Variants in CTNNA3 observed in about 807,000 individuals in gnomAD.
CTNNA3 encodes the protein catenin alpha 3, also known as catenin alpha-3.
Under a neutral mutation model 95.7 loss-of-function variants are expected in CTNNA3, and 76 were observed. That is an observed-to-expected ratio of 0.79 (90% confidence interval 0.66 to 0.96). The LOEUF is 0.96. Among genes scored for constraint, CTNNA3 ranks in the 40% least tolerant of loss-of-function variants. The probability of loss-of-function intolerance (pLI) is 0.00; values close to 1 mark genes in which losing one functional copy is unlikely to be tolerated. For synonymous variants in CTNNA3, 431 were observed against 374.4 expected (o/e 1.15, Z -1.74); for missense variants, 1,191 against 1,089.8 (o/e 1.09, Z -1.31).
intron 12 of CTNNA3, among the ~76,000 whole-genome samples, chr10:66,317,623 A>G (rs2092120272): frequency 1.3e-5 from 2 of 151,954 alleles, no homozygotes; most frequent in Admixed American, 1.3e-4. Flanking sequence ...TAGTGAGCTG[A>G]GATCACTCCA....
intron 7 of CTNNA3, among the ~76,000 whole-genome samples, chr10:67,121,332 C>T (rs1429870301): frequency 6.6e-6 from 1 of 152,014 alleles, no homozygotes; most frequent in Non-Finnish European, 1.5e-5. Context: ...TGGACATGTA[C>T]TCACTGATAG....
At chr10:66,270,983 G>A (rs939693473) in intron 13 of CTNNA3, among the ~76,000 whole-genome samples, 2 of 152,152 alleles carry the variant, frequency 1.3e-5, no homozygotes, top group African/African-American at 4.8e-5. Flanking sequence ...CATCAACAAA[G>A]GGAAGTCTAT....
intron 13 of CTNNA3, among the ~76,000 whole-genome samples, chr10:66,123,101 C>T (rs551473778): frequency 1.2e-4 from 18 of 152,280 alleles, no homozygotes; most frequent in South Asian, 6.2e-4. Context: ...ACTCAAAAGT[C>T]CACAGTCCAA....
Position 66,163,071 on chromosome 10 carries a change from A to T in CTNNA3, c.1885-59822T>A, listed in dbSNP as rs2084934145. On this transcript the variant is annotated intron_variant, in intron 13 of 17. Coordinates refer to ENST00000433211, the MANE Select transcript of CTNNA3 (RefSeq NM_013266.4). ...CTCACTCCCATGGTACCCCTGCAACAGCCCCAAGTCTGTTTCCAGGTGAAG... is the reference window on the plus strand; with the variant it reads ...CTCACTCCCATGGTACCCCTGCAACTGCCCCAAGTCTGTTTCCAGGTGAAG... 2.0e-5 allele frequency among the ~76,000 whole-genome samples: 3 copies of T among 152,230 alleles called. No homozygotes were observed. In the South Asian group the frequency reaches 6.2e-4, roughly 32 times the overall value.
chr10:67,476,531 C>A (rs1848019545), intron 5 of CTNNA3, among the ~76,000 whole-genome samples: 1 of 150,772 alleles, frequency 6.6e-6, no homozygotes, highest in Non-Finnish European at 1.5e-5. Flanking sequence ...CAGCAAGGCC[C>A]TTTCCAATCC....
At chr10:67,660,707 G>T (rs997678170) in intron 1 of CTNNA3, among the ~76,000 whole-genome samples, 1 of 151,992 alleles carries the variant, frequency 6.6e-6, no homozygotes, top group South Asian at 2.1e-4. Context: ...CCGAGGCGGT[G>T]GATCATGAGG....
chr10:66,357,956 G>T (rs1394637138), intron 12 of CTNNA3, among the ~76,000 whole-genome samples: 3 of 152,034 alleles, frequency 2.0e-5, no homozygotes, highest in African/African-American at 7.2e-5. Context: ...ACTCCTTATT[G>T]TCTGTTCAAT....
intron 5 of CTNNA3, among the ~76,000 whole-genome samples, chr10:67,425,818 G>A (rs181304513): frequency 3.3e-5 from 5 of 152,114 alleles, no homozygotes; most frequent in East Asian, 3.9e-4. Context: ...TGTTATGACC[G>A]TTTTTGTTGC....
intron 5 of CTNNA3, among the ~76,000 whole-genome samples, chr10:67,301,926 G>A (rs1197968495): frequency 6.7e-6 from 1 of 150,246 alleles, no homozygotes; most frequent in Non-Finnish European, 1.5e-5. Context: ...CGGAGATCGC[G>A]CCACTGCACC....
At chr10:67,723,212 C>T (rs147556178) in intron 1 of CTNNA3, among the ~76,000 whole-genome samples, 4,711 of 151,884 alleles carry the variant, frequency 0.031, 237 homozygotes, top group African/African-American at 0.11. Flanking sequence ...GTCTTGAACT[C>T]CTGACCTCAG....
At chr10:66,845,989 G>T (rs1192693676) in intron 7 of CTNNA3, among the ~76,000 whole-genome samples, 1 of 151,438 alleles carries the variant, frequency 6.6e-6, no homozygotes, top group Non-Finnish European at 1.5e-5. Flanking sequence ...AAATTTAGCC[G>T]GGCATGGTGG....
chr10:66,311,098 G>T (rs754347257), intron 12 of CTNNA3, among the ~76,000 whole-genome samples: 6 of 152,120 alleles, frequency 3.9e-5, no homozygotes, highest in Non-Finnish European at 7.4e-5. Flanking sequence ...ACTAGAAAAA[G>T]GTAACTATAT....
chr10:67,366,439 G>A (rs1843221609), intron 5 of CTNNA3, among the ~76,000 whole-genome samples: 1 of 151,658 alleles, frequency 6.6e-6, no homozygotes, highest in Non-Finnish European at 1.5e-5. Context: ...TCAGGAGTTC[G>A]AGGCCAGCCT....
At position 67,134,509 on chromosome 10, in the gene CTNNA3, AAAAGCCAAGTTCTGGG is replaced by A. The variant is rs941753620; in HGVS notation, c.1047+45792_1047+45807del. 8.5e-5 allele frequency among the ~76,000 whole-genome samples: 13 copies of A among 152,224 alleles called. No homozygotes were observed. The East Asian group carries it at 2.3e-3, about 27-fold the overall frequency. ...GGCCACTCTCACAAACCCTCTCATTAAAAGCCAAGTTCTGGGAAACTGGAGCTGGTGGATTCCTCAA... is the reference window on the plus strand; with the variant it reads ...GGCCACTCTCACAAACCCTCTCATTAAAACTGGAGCTGGTGGATTCCTCAA... On this transcript the variant is annotated intron_variant, in intron 7 of 17. Coordinates refer to ENST00000433211, the MANE Select transcript of CTNNA3 (RefSeq NM_013266.4).
intron 12 of CTNNA3, among the ~76,000 whole-genome samples, chr10:66,363,520 T>C (rs2092691295): frequency 1.3e-5 from 2 of 152,290 alleles, no homozygotes; most frequent in South Asian, 2.1e-4. Context: ...ATTTGGGACT[T>C]TCAGCCTCCA....
rs200726110 is a variant in CTNNA3, at chr10:66,699,991, G to GT, written c.1281+66272dup. On this transcript the variant is annotated intron_variant, in intron 9 of 17. Coordinates refer to ENST00000433211, the MANE Select transcript of CTNNA3 (RefSeq NM_013266.4). Reference sequence around the variant, plus strand: ...CATTTTTTTTAAATCAAGTTACTTGGTTTTTTTTTGTTTTGTTTTTTGCTA... The same window carrying GT: ...CATTTTTTTTAAATCAAGTTACTTGGTTTTTTTTTTGTTTTGTTTTTTGCTA... 1.8e-3 allele frequency among the ~76,000 whole-genome samples: 265 copies of GT among 150,712 alleles called. No individual in the cohort carries two copies. In the Middle Eastern group the frequency reaches 0.034, roughly 20 times the overall value.
At chr10:67,590,370 T>C (rs1268711708) in intron 3 of CTNNA3, among the ~76,000 whole-genome samples, 2 of 152,058 alleles carry the variant, frequency 1.3e-5, no homozygotes, top group African/African-American at 4.8e-5. Flanking sequence ...AAAAAGTCTA[T>C]TGCATTTCTA....
intron 5 of CTNNA3, among the ~76,000 whole-genome samples, chr10:67,509,021 C>T (rs1839518384): frequency 1.3e-5 from 2 of 151,878 alleles, no homozygotes; most frequent in Admixed American, 6.6e-5. Context: ...GGATTATAGG[C>T]ACCTGCCACC....
intron 7 of CTNNA3, among the ~76,000 whole-genome samples, chr10:66,891,053 A>C (rs1845250103): frequency 6.6e-6 from 1 of 152,120 alleles, no homozygotes; most frequent in African/African-American, 2.4e-5. Flanking sequence ...TTCCTCATGG[A>C]CTTGTGAGTG....
Sources: allele counts gnomAD v4.1 joint callset (sites outside exome capture counted in the v4.1 genomes callset), GRCh38; gene constraint gnomAD v4.1.1; transcripts MANE v1.5; gene names NCBI Gene and HGNC (gene_info 2026-07-23, HGNC 2026-07-21).